Variants in POSTN observed in about 807,000 individuals in gnomAD.
POSTN encodes osteoblast specific factor 2 (fasciclin I-like).
POSTN carries 71 observed loss-of-function variants against 104.5 expected under a neutral mutation model. The ratio of observed to expected loss-of-function variants is 0.68; its 90% confidence interval spans 0.56 to 0.83. POSTN has a LOEUF of 0.83. POSTN is among the 40% of genes least tolerant of loss of function. The pLI is 0.00. For synonymous variants in POSTN, 355 were observed against 340.7 expected (o/e 1.04, Z -0.46); for missense variants, 949 against 1,006.8 (o/e 0.94, Z 0.78).
At chr13:37,582,136 A>G (rs1950608460) in intron 10 of POSTN, among the ~76,000 whole-genome samples, 1 of 152,228 alleles carries the variant, frequency 6.6e-6, no homozygotes, top group Admixed American at 6.5e-5. Flanking sequence ...TCTAGAATAG[A>G]AAGTTATTCA....
At chr13:37,576,673 G>C (rs989507557) in intron 16 of POSTN, among the ~76,000 whole-genome samples, 3 of 152,052 alleles carry the variant, frequency 2.0e-5, no homozygotes, top group Non-Finnish European at 4.4e-5. Context: ...GATGAATAGA[G>C]CCCATAAGGA....
chr13:37,569,233 G>GTC (rs1317427268), intron 21 of POSTN, 67 bp downstream of exon 21: 138 of 1,146,086 alleles, frequency 1.2e-4, no homozygotes, highest in Non-Finnish European at 1.3e-4. Context: ...TGCTTGCTCA[G>GTC]TCTTTAAAAA....
chr13:37,570,685 T>A lies in POSTN; in HGVS notation c.2180-16A>T. ...ATAATTGGCTCTAAAAGCAGGGGAATACAAATGCATTTGATTTACCCTCAT... is the reference window on the plus strand; with the variant it reads ...ATAATTGGCTCTAAAAGCAGGGGAAAACAAATGCATTTGATTTACCCTCAT... On this transcript the variant is annotated splice_polypyrimidine_tract_variant and intron_variant, in intron 18 of 22. Transcript: ENST00000379747. 5 of 1,482,624 alleles carry A rather than the reference T, an allele frequency of 3.4e-6. No individual in the cohort carries two copies. The highest frequency in any genetic ancestry group is 4.7e-6 in the Non-Finnish European group (5 of 1,061,086). 91.8% of individuals were successfully genotyped at this position (1,482,624 alleles called of 1,614,324 possible). A position where few individuals can be genotyped will look rare whatever the true frequency, so the allele number is the denominator to read the frequency against.
intron 5 of POSTN, 122 bp from the exon 6 acceptor site, chr13:37,587,050 G>C: frequency 1.3e-6 from 1 of 787,326 alleles, no homozygotes; most frequent in Non-Finnish European, 2.0e-6. Flanking sequence ...AAACTACATT[G>C]TAAATGTAAA....
chr13:37,584,255 A>T (rs1166342189), intron 8 of POSTN, 152 bp from the exon 9 acceptor site: 1 of 974,420 alleles, frequency 1.0e-6, no homozygotes. Context: ...CCCTAATAAG[A>T]GAGTTCCACT....
rs1813869526 is a variant in POSTN, at chr13:37,584,893, A to C, written c.931T>G (p.Cys311Gly). ...GCTCCTCCCATAATAGACTCAGAAC[A>C]CTGGAGAGTATTTAAGATGTGGTAC... is the stretch of plus-strand genomic sequence containing the variant. ...MKYHILNTLQ[C>G]SESIMGGAVF... The change falls in exon 8 of 23, where the codon TGT becomes GGT. Residue 311 changes from cysteine to glycine, a missense_variant. Coordinates refer to ENST00000379747, the MANE Select transcript of POSTN (RefSeq NM_006475.3). 6.2e-7 allele frequency: 1 copy of C among 1,613,850 alleles called. No homozygotes were observed.
chr13:37,596,061 C>A (rs576052112), intron 2 of POSTN, among the ~76,000 whole-genome samples: 19 of 152,160 alleles, frequency 1.2e-4, no homozygotes, highest in South Asian at 8.3e-4. Flanking sequence ...CTCAGCCCCC[C>A]CAAAGTGCTG....
At chr13:37,587,207 T>C (rs1158470414) in intron 5 of POSTN, among the ~76,000 whole-genome samples, 1 of 152,180 alleles carries the variant, frequency 6.6e-6, no homozygotes, top group African/African-American at 2.4e-5. Flanking sequence ...TTATTGCTTT[T>C]CTCTTTTATG....
chr13:37,573,026 G>A (rs1158866195), intron 17 of POSTN, among the ~76,000 whole-genome samples: 6 of 151,544 alleles, frequency 4.0e-5, no homozygotes, highest in Non-Finnish European at 5.9e-5. Context: ...GAGATGACCC[G>A]CCAGTATGAT....
intron 8 of POSTN, 42 bp from the exon 9 acceptor site, chr13:37,584,145 C>T: frequency 1.9e-6 from 3 of 1,606,804 alleles, no homozygotes; most frequent in African/African-American, 1.3e-5. Flanking sequence ...GTCATCATTG[C>T]TATTATCTCC....
At chr13:37,593,850 T>G (rs1402320382) in intron 2 of POSTN, among the ~76,000 whole-genome samples, 1 of 151,730 alleles carries the variant, frequency 6.6e-6, no homozygotes, top group African/African-American at 2.4e-5. Context: ...CCTGCTACAC[T>G]AAGTAATTAT....
In POSTN at chr13:37,569,508, A is replaced by T. The variant is rs906219496; in HGVS notation, c.2348-125T>A. The T allele has an allele frequency of 5.7e-6, 5 of 876,084 alleles. No individual in the cohort carries two copies. The African/African-American group carries it at 8.4e-5, about 15-fold the overall frequency. The allele number at this position is 876,084 out of a possible 1,614,324, so 54.3% of individuals were successfully genotyped here. A position where few individuals can be genotyped will look rare whatever the true frequency, so the allele number is the denominator to read the frequency against. On this transcript the variant is annotated intron_variant, in intron 20 of 22. Coordinates refer to ENST00000379747, the MANE Select transcript of POSTN (RefSeq NM_006475.3). ...CCAGCCCAACACTCGATTCTTTCAC[A>T]AATTTTAGTGCTGTTTTCTGACATA...
chr13:37,585,002 A>G, intron 7 of POSTN, 74 bp from the exon 8 acceptor site: 1 of 1,560,764 alleles, frequency 6.4e-7, no homozygotes. Context: ...GATGTGTTTC[A>G]CTGTGGAACT....
chr13:37,598,548 G>GGT, intron 1 of POSTN, 60 bp downstream of exon 1: 3 of 1,509,316 alleles, frequency 2.0e-6, no homozygotes, highest in Non-Finnish European at 2.7e-6. Flanking sequence ...ATGCATACTT[G>GGT]AACATCTAAC....
intron 7 of POSTN, among the ~76,000 whole-genome samples, 183 bp downstream of exon 7, chr13:37,585,956 T>C (rs1474974326): frequency 1.3e-5 from 2 of 152,232 alleles, no homozygotes; most frequent in Middle Eastern, 3.2e-3. Flanking sequence ...AGTATTCTTA[T>C]TATTTAAGAA....
At chr13:37,590,329 A>G (rs1405425317) in intron 4 of POSTN, 43 bp downstream of exon 4, 69 of 1,440,824 alleles carry the variant, frequency 4.8e-5, no homozygotes, top group Admixed American at 1.4e-4. Flanking sequence ...TGAAATAACA[A>G]TAACAGCAAA....
chr13:37,577,889 A>G (rs1326084716), intron 15 of POSTN, 91 bp from the exon 16 acceptor site: 2 of 1,557,394 alleles, frequency 1.3e-6, no homozygotes, highest in African/African-American at 1.4e-5. Context: ...TAAAGTAAAA[A>G]TAGTGAAGCT....
At chr13:37,594,388 T>C (rs1010930509) in intron 2 of POSTN, among the ~76,000 whole-genome samples, 5 of 152,136 alleles carry the variant, frequency 3.3e-5, no homozygotes, top group African/African-American at 1.2e-4. Flanking sequence ...TTCATTGTAA[T>C]ATCATCAGAT....
intron 4 of POSTN, among the ~76,000 whole-genome samples, chr13:37,589,412 T>C (rs913252088): frequency 2.0e-5 from 3 of 152,194 alleles, no homozygotes; most frequent in Non-Finnish European, 2.9e-5. Context: ...GTTTGTTACA[T>C]ATGTATACAT....
Sources: allele counts gnomAD v4.1 joint callset (sites outside exome capture counted in the v4.1 genomes callset), GRCh38; gene constraint gnomAD v4.1.1; transcripts MANE v1.5; gene names NCBI Gene and HGNC (gene_info 2026-07-23, HGNC 2026-07-21).